CAP2: variants seen among roughly 807,000 people sequenced by gnomAD.
CAP2 encodes the protein adenylyl cyclase-associated protein 2.
Under a neutral mutation model 57.7 loss-of-function variants are expected in CAP2, and 24 were observed. The observed-to-expected ratio is 0.42, with a 90% CI of 0.30 to 0.58. The LOEUF is 0.58. Ranked by LOEUF, CAP2 falls within the 20% of genes least tolerant of loss-of-function variation. The pLI, the probability that CAP2 is intolerant of heterozygous loss-of-function variation, is 0.22. For synonymous variants in CAP2, 194 were observed against 207.2 expected, an observed-to-expected ratio of 0.94 and a Z score of 0.55; for missense variants, 501 against 590.3, an observed-to-expected ratio of 0.85 and a Z score of 1.57.
chr6:17,495,355 C>A (rs189901296), intron 4 of CAP2, among the ~76,000 whole-genome samples: 102 of 152,274 alleles, frequency 6.7e-4, no homozygotes, highest in Middle Eastern at 3.4e-3. Context: ...ACTCTCTTTA[C>A]CGATAATAGT....
At chr6:17,554,824 AG>A (rs1763257200) in intron 12 of CAP2, among the ~76,000 whole-genome samples, 1 of 152,190 alleles carries the variant, frequency 6.6e-6, no homozygotes, top group Non-Finnish European at 1.5e-5. Context: ...CTTGCCTTGG[AG>A]GAGGTCTTCT....
chr6:17,406,026 C>T lies in CAP2; in HGVS notation c.-2+12280C>T, dbSNP rs551530753. The stretch of plus-strand genomic sequence containing the variant: ...AAAGTGCTGGGATTACAGGTGTGAG[C>T]GACCGCGCCCAGCCTGAGCAGTGGT... On this transcript the variant is annotated intron_variant, in intron 1 of 12. Transcript: ENST00000229922. 2.6e-5 allele frequency among the ~76,000 whole-genome samples: 4 copies of T among 152,264 alleles called. No homozygotes were observed. The South Asian group carries it at 6.2e-4, about 24-fold the overall frequency.
chr6:17,447,604 T>A (rs1760296323), intron 3 of CAP2, among the ~76,000 whole-genome samples: 1 of 152,228 alleles, frequency 6.6e-6, no homozygotes, highest in Admixed American at 6.5e-5. Flanking sequence ...GTTCAAGCAA[T>A]TGTCCTGCCC....
intron 12 of CAP2, among the ~76,000 whole-genome samples, chr6:17,552,328 C>T (rs903098162): frequency 3.9e-5 from 6 of 152,136 alleles, no homozygotes; most frequent in African/African-American, 1.4e-4. Flanking sequence ...GATGGATCTG[C>T]TAGTTGCTAC....
chr6:17,483,573 G>A (rs915723319), intron 4 of CAP2, among the ~76,000 whole-genome samples: 3 of 152,170 alleles, frequency 2.0e-5, no homozygotes, highest in African/African-American at 2.4e-5. Context: ...ATGGGATAAG[G>A]CAGGGCTTAG....
intron 4 of CAP2, among the ~76,000 whole-genome samples, chr6:17,504,669 T>C (rs1263175161): frequency 6.6e-6 from 1 of 152,180 alleles, no homozygotes; most frequent in African/African-American, 2.4e-5. Flanking sequence ...CTCAAACTTT[T>C]AGGCTAGATC....
intron 11 of CAP2, among the ~76,000 whole-genome samples, chr6:17,547,637 T>A (rs147765369): frequency 1.3e-5 from 2 of 151,928 alleles, no homozygotes; most frequent in Non-Finnish European, 2.9e-5. Context: ...GTCCGGAGAT[T>A]GAGACCATCC....
chr6:17,538,621 AGTTG>A (rs1297044774), intron 7 of CAP2, among the ~76,000 whole-genome samples: 1 of 152,246 alleles, frequency 6.6e-6, no homozygotes, highest in African/African-American at 2.4e-5. Flanking sequence ...TCTAATTTTC[AGTTG>A]GTTCACTAAC....
chr6:17,399,241 T>G (rs907411743), intron 1 of CAP2, among the ~76,000 whole-genome samples: 3 of 152,158 alleles, frequency 2.0e-5, no homozygotes, highest in Non-Finnish European at 2.9e-5. Flanking sequence ...TTTTATACTT[T>G]TAGTAGAGAC....
At chr6:17,510,874 A>T (rs1287729662) in intron 6 of CAP2, among the ~76,000 whole-genome samples, 1 of 152,200 alleles carries the variant, frequency 6.6e-6, no homozygotes, top group African/African-American at 2.4e-5. Context: ...TTAGTATCTC[A>T]GTTCATCAGC....
intron 7 of CAP2, among the ~76,000 whole-genome samples, chr6:17,535,882 C>T (rs1401448027): frequency 1.3e-5 from 2 of 152,092 alleles, no homozygotes; most frequent in Admixed American, 1.3e-4. Flanking sequence ...GTTGCTACCT[C>T]CTCCACCCAC....
At chr6:17,544,923 C>T (rs147610675) in intron 11 of CAP2, among the ~76,000 whole-genome samples, 1 of 152,240 alleles carries the variant, frequency 6.6e-6, no homozygotes, top group East Asian at 1.9e-4. Context: ...AACTATTACG[C>T]ATGCAAATTT....
At chr6:17,447,390 A>G (rs1760289223) in intron 3 of CAP2, among the ~76,000 whole-genome samples, 1 of 152,142 alleles carries the variant, frequency 6.6e-6, no homozygotes, top group Non-Finnish European at 1.5e-5. Context: ...CCATATTAGT[A>G]AGAGAGGCAA....
At chr6:17,501,654 T>C (rs1761824219) in intron 4 of CAP2, among the ~76,000 whole-genome samples, 1 of 152,190 alleles carries the variant, frequency 6.6e-6, no homozygotes, top group Admixed American at 6.5e-5. Context: ...CTGGTTTTCC[T>C]TTTTGGGTAA....
intron 4 of CAP2, among the ~76,000 whole-genome samples, chr6:17,491,115 GTTC>G (rs1181533677): frequency 3.3e-5 from 5 of 152,042 alleles, no homozygotes; most frequent in Admixed American, 3.3e-4. Flanking sequence ...TGATCCTGGG[GTTC>G]TTCTAGCACC....
chr6:17,457,358 G>A (rs1194781453), intron 3 of CAP2, among the ~76,000 whole-genome samples: 1 of 152,220 alleles, frequency 6.6e-6, no homozygotes, highest in Non-Finnish European at 1.5e-5. Flanking sequence ...CTGCCTGAGT[G>A]AGCCAAATTC....
intron 3 of CAP2, among the ~76,000 whole-genome samples, chr6:17,453,958 C>T (rs1760483094): frequency 1.4e-5 from 2 of 145,144 alleles, no homozygotes; most frequent in East Asian, 2.1e-4. Flanking sequence ...GATCACGGCT[C>T]ACTGCAGCCT....
intron 4 of CAP2, among the ~76,000 whole-genome samples, 197 bp from the exon 5 acceptor site, chr6:17,506,972 A>G (rs1419651266): frequency 6.6e-6 from 1 of 152,236 alleles, no homozygotes; most frequent in African/African-American, 2.4e-5. Context: ...TGCAATTTTC[A>G]TACTTCAGAC....
At chr6:17,523,889 C>T (rs1441031645) in intron 7 of CAP2, among the ~76,000 whole-genome samples, 1 of 152,076 alleles carries the variant, frequency 6.6e-6, no homozygotes, top group Non-Finnish European at 1.5e-5. Flanking sequence ...TCCTGGCCAA[C>T]ATGATGAAAC....
Sources: gnomAD v4.1 joint callset for allele counts (sites outside exome capture counted in the v4.1 genomes callset) on GRCh38, gnomAD v4.1.1 for gene constraint, MANE v1.5 for transcripts, NCBI Gene and HGNC (gene_info 2026-07-23, HGNC 2026-07-21) for gene names.